Variants in NRXN3 observed in about 807,000 individuals in gnomAD.
NRXN3 encodes the protein neurexin III.
In NRXN3, 32 loss-of-function variants were observed where a neutral mutation model predicts 137.6. The observed-to-expected ratio is 0.23, with a 90% CI of 0.18 to 0.31. NRXN3 has a LOEUF of 0.31. Ranked by LOEUF, NRXN3 falls within the 10% of genes least tolerant of loss-of-function variation. The pLI is 1.00. For missense variants in NRXN3, 1,574 were observed against 2,062.5 expected, an observed-to-expected ratio of 0.76 and a Z score of 4.59; for synonymous variants, 798 against 784.5, an observed-to-expected ratio of 1.02 and a Z score of -0.29.
At chr14:79,820,615 T>G (rs1309807605) in intron 20 of NRXN3, among the ~76,000 whole-genome samples, 1 of 152,184 alleles carries the variant, frequency 6.6e-6, no homozygotes, top group African/African-American at 2.4e-5. Flanking sequence ...CATCTAGGTA[T>G]TAAGCCCAGT....
intron 15 of NRXN3, among the ~76,000 whole-genome samples, chr14:79,132,293 T>G (rs1337238319): frequency 6.6e-6 from 1 of 152,252 alleles, no homozygotes; most frequent in East Asian, 1.9e-4. Context: ...GAATTACTTT[T>G]TCAGTTGTAA....
chr14:79,210,983 C>G (rs988225998), intron 15 of NRXN3, among the ~76,000 whole-genome samples: 3 of 152,078 alleles, frequency 2.0e-5, no homozygotes, highest in African/African-American at 4.8e-5. Flanking sequence ...TGCCTCCTTA[C>G]CCAAATCTAA....
chr14:79,716,711 C>T (rs910167778), intron 19 of NRXN3, among the ~76,000 whole-genome samples: 4 of 152,102 alleles, frequency 2.6e-5, no homozygotes, highest in African/African-American at 9.7e-5. Flanking sequence ...TCACAGATGT[C>T]AATTTCTTTT....
Position 79,645,418 on chromosome 14 carries a change from C to G in NRXN3, c.3445-18360C>G, listed in dbSNP as rs112433392. ...ATCACCTGAGGTCAGGAGTTCGAGA[C>G]CAGCCTGGCCAACATGGTGAAACCC... is the stretch of plus-strand genomic sequence containing the variant. On this transcript the variant is annotated intron_variant, in intron 16 of 20. Transcript: ENST00000335750. 3.8e-5 allele frequency among the ~76,000 whole-genome samples: 5 copies of G among 133,126 alleles called. 1 individual carries two copies. Among genetic ancestry groups the G allele is most frequent in the Non-Finnish European group, 8.7e-5 (5 of 57,272 alleles). The allele number at this position is 133,126 out of a possible 152,430, so 87.3% of individuals were successfully genotyped here.
intron 14 of NRXN3, among the ~76,000 whole-genome samples, chr14:78,975,630 T>G (rs913632216): frequency 1.3e-5 from 2 of 152,034 alleles, no homozygotes; most frequent in Non-Finnish European, 2.9e-5. Flanking sequence ...GAGAGCAGAT[T>G]CAGGAGTGAA....
At chr14:78,871,077 C>A (rs1026137285) in intron 10 of NRXN3, among the ~76,000 whole-genome samples, 1 of 143,626 alleles carries the variant, frequency 7.0e-6, no homozygotes, top group African/African-American at 2.6e-5. Context: ...GGATATATAC[C>A]CAGAAGTGGC....
At chr14:78,649,306 T>A (rs2152613857) in intron 5 of NRXN3, 1 of 1,340,908 alleles carries the variant, frequency 7.5e-7, no homozygotes, top group African/African-American at 1.5e-5. Context: ...ACAAACTACA[T>A]TGTCTGGTAG....
Position 79,591,927 on chromosome 14 carries a change from G to A in NRXN3, c.3445-71851G>A, listed in dbSNP as rs538797081. 3.2e-4 allele frequency among the ~76,000 whole-genome samples: 43 copies of A among 135,234 alleles called. 1 individual carries two copies. The highest frequency in any genetic ancestry group is 4.4e-4 in the Non-Finnish European group (28 of 63,494). The allele number at this position is 135,234 out of a possible 152,430, so 88.7% of individuals were successfully genotyped here. On this transcript the variant is annotated intron_variant, in intron 16 of 20. Coordinates refer to ENST00000335750, the MANE Select transcript of NRXN3 (RefSeq NM_001330195.2). ...TTGGTCTTAACTTTTATTTATTGAGGTATAACTTACATACAATGAAAATCT... is the reference window on the plus strand; with the variant it reads ...TTGGTCTTAACTTTTATTTATTGAGATATAACTTACATACAATGAAAATCT...
At chr14:79,112,828 G>T (rs936208296) in intron 15 of NRXN3, among the ~76,000 whole-genome samples, 4 of 152,184 alleles carry the variant, frequency 2.6e-5, no homozygotes, top group African/African-American at 7.2e-5. Context: ...TAAATTTTTT[G>T]ATGTGAAGTG....
chr14:78,381,509 A>G (rs2089108380), intron 4 of NRXN3, among the ~76,000 whole-genome samples: 1 of 152,196 alleles, frequency 6.6e-6, no homozygotes, highest in Non-Finnish European at 1.5e-5. Flanking sequence ...TCTGGAAGAG[A>G]GTTTGACAAT....
chr14:78,444,206 C>T (rs1243802112), intron 4 of NRXN3, among the ~76,000 whole-genome samples: 1 of 152,198 alleles, frequency 6.6e-6, no homozygotes. Flanking sequence ...ATTTTATTCT[C>T]ACAAGAACAT....
chr14:78,836,230 G>A (rs970801862), intron 10 of NRXN3, among the ~76,000 whole-genome samples: 3 of 152,146 alleles, frequency 2.0e-5, no homozygotes, highest in African/African-American at 7.2e-5. Context: ...AGCAAAAAAG[G>A]AAAGAGAATG....
At chr14:79,380,172 G>GCT (rs1190645007) in intron 15 of NRXN3, among the ~76,000 whole-genome samples, 12 of 135,718 alleles carry the variant, frequency 8.8e-5, no homozygotes, top group Non-Finnish European at 1.4e-4. Flanking sequence ...TTTTTTGGTA[G>GCT]ATATATTTAT....
intron 17 of NRXN3, among the ~76,000 whole-genome samples, chr14:79,669,931 C>G (rs2098597303): frequency 6.6e-6 from 1 of 152,044 alleles, no homozygotes; most frequent in Non-Finnish European, 1.5e-5. Context: ...TTGACATTCA[C>G]TGATATGTAG....
chr14:79,272,216 G>GTTTTTTTTTTTTTTTTT, intron 15 of NRXN3, among the ~76,000 whole-genome samples: 1 of 132,598 alleles, frequency 7.5e-6, no homozygotes, highest in Non-Finnish European at 1.6e-5. Context: ...TTTGGTTTAG[G>GTTTTTTTTTTTTTTTTT]TTTTTTTTTT....
chr14:79,332,135 G>A (rs531055444), intron 15 of NRXN3, among the ~76,000 whole-genome samples: 1 of 152,278 alleles, frequency 6.6e-6, no homozygotes, highest in South Asian at 2.1e-4. Context: ...CCTCTGAATT[G>A]CATTCCTGAA....
intron 19 of NRXN3, among the ~76,000 whole-genome samples, chr14:79,700,107 C>T (rs2098749441): frequency 6.6e-6 from 1 of 152,048 alleles, no homozygotes. Flanking sequence ...TGGTCTTAAA[C>T]ACATTCTGTT....
At chr14:78,175,454 C>T (rs1223357669) in intron 1 of NRXN3, among the ~76,000 whole-genome samples, 2 of 152,296 alleles carry the variant, frequency 1.3e-5, no homozygotes, top group East Asian at 3.9e-4. Context: ...AAGAAGCATT[C>T]CTTCTAAAAC....
At chr14:79,171,002 A>G (rs1053192383) in intron 15 of NRXN3, among the ~76,000 whole-genome samples, 2 of 152,022 alleles carry the variant, frequency 1.3e-5, no homozygotes. Context: ...GCGGAGGTGG[A>G]AAATGCAAAT....
Sources: gnomAD v4.1 joint callset for allele counts (sites outside exome capture counted in the v4.1 genomes callset) on GRCh38, gnomAD v4.1.1 for gene constraint, MANE v1.5 for transcripts, NCBI Gene and HGNC (gene_info 2026-07-23, HGNC 2026-07-21) for gene names.